PEBP4: variants seen among roughly 807,000 people sequenced by gnomAD.
PEBP4 encodes the protein phosphatidylethanolamine-binding protein 4.
In PEBP4, 22 loss-of-function variants were observed where a neutral mutation model predicts 23.9. The ratio of observed to expected loss-of-function variants is 0.92; its 90% CI spans 0.66 to 1.31. The LOEUF (loss-of-function observed/expected upper bound fraction) is 1.31. Among genes scored for constraint, PEBP4 ranks in the 40% most tolerant of loss-of-function variants. PEBP4 has a pLI of 0.00. For synonymous variants in PEBP4, 112 were observed against 99.3 expected (o/e 1.13, Z -0.76); for missense variants, 324 against 281.7 (o/e 1.15, Z -1.07).
chr8:22,759,991 A>G (rs1400085797), intron 4 of PEBP4, among the ~76,000 whole-genome samples: 2 of 152,118 alleles, frequency 1.3e-5, no homozygotes, highest in African/African-American at 4.8e-5. Flanking sequence ...CACAGCTCAG[A>G]TGTCACCTCC....
chr8:22,713,493 G>A lies in PEBP4; in HGVS notation c.561C>T (p.Gly187=), dbSNP rs556655325. The change falls in exon 7 of 7, where the codon GGC becomes GGT. Residue 187 remains glycine, a synonymous_variant. Transcript: ENST00000256404. ...TGAACTGGGTGCTTGCTTCAGGTTC[G>A]CCCAGGTGGAAACGGTTCAGAAATC... ...MDRFLNRFHL[G]EPEASTQFMT... is the part of the protein sequence containing the mutation. 3.1e-5 allele frequency: 50 copies of A among 1,614,142 alleles called. No homozygotes were observed. Among genetic ancestry groups the A allele is most frequent in the South Asian group, 2.5e-4 (23 of 91,074 alleles).
intron 4 of PEBP4, chr8:22,744,832 C>T (rs1220087418): frequency 6.6e-6 from 1 of 152,158 alleles, no homozygotes; most frequent in Non-Finnish European, 1.5e-5. Flanking sequence ...GGGTTTCAGG[C>T]CCTTGTGCAC....
chr8:22,816,013 C>T (rs1039751611), intron 4 of PEBP4, among the ~76,000 whole-genome samples: 2 of 152,208 alleles, frequency 1.3e-5, no homozygotes, highest in Non-Finnish European at 2.9e-5. Flanking sequence ...GTGAATGTGA[C>T]CTTCAGGGCA....
chr8:22,898,324 A>C (rs1246009732), intron 3 of PEBP4, among the ~76,000 whole-genome samples: 1 of 142,034 alleles, frequency 7.0e-6, no homozygotes, highest in Admixed American at 7.5e-5. Context: ...CCTGGAAGGC[A>C]GAGGTTGCAG....
intron 6 of PEBP4, among the ~76,000 whole-genome samples, chr8:22,715,427 T>TGTGTGC (rs1184664802): frequency 6.6e-6 from 1 of 152,214 alleles, no homozygotes; most frequent in East Asian, 1.9e-4. Context: ...CACGTGTGTG[T>TGTGTGC]GCGCACGCGC....
intron 3 of PEBP4, among the ~76,000 whole-genome samples, chr8:22,907,229 C>G (rs915861780): frequency 2.0e-5 from 3 of 152,160 alleles, no homozygotes; most frequent in Non-Finnish European, 2.9e-5. Context: ...CAGGCCAAGG[C>G]GAGCAGATCA....
intron 3 of PEBP4, among the ~76,000 whole-genome samples, chr8:22,864,695 G>A (rs1807849106): frequency 6.6e-6 from 1 of 152,166 alleles, no homozygotes; most frequent in Non-Finnish European, 1.5e-5. Flanking sequence ...CAGCTTGTTA[G>A]GACTAAAAAT....
At chr8:22,767,651 G>A (rs1291218543) in intron 4 of PEBP4, among the ~76,000 whole-genome samples, 1 of 152,108 alleles carries the variant, frequency 6.6e-6, no homozygotes, top group Admixed American at 6.5e-5. Flanking sequence ...CTCTTGGGGT[G>A]TTGGAAATAT....
In PEBP4 at chr8:22,866,038, C is replaced by T. The variant is rs78331891; in HGVS notation, c.259-48303G>A. ...CAAACCCAGGGCGTCATCGGCTCCA[C>T]GCCTGTCCCCTTTCAGAGCCAGAGA... On this transcript the variant is annotated intron_variant, in intron 3 of 6. Transcript: ENST00000256404. Among the ~76,000 whole-genome samples the T allele has an allele frequency of 2.8e-3, 425 of 152,352 alleles. 1 individual carries two copies. Among genetic ancestry groups the T allele is most frequent in the African/African-American group, 9.4e-3 (390 of 41,588 alleles).
At chr8:22,835,855 A>G (rs909259002) in intron 3 of PEBP4, among the ~76,000 whole-genome samples, 67 of 152,360 alleles carry the variant, frequency 4.4e-4, no homozygotes, top group African/African-American at 1.4e-3. Context: ...ACGGCTTTCA[A>G]TGACCGGCTC....
chr8:22,802,094 C>A (rs1160399400), intron 4 of PEBP4, among the ~76,000 whole-genome samples: 3 of 152,220 alleles, frequency 2.0e-5, no homozygotes, highest in African/African-American at 7.2e-5. Flanking sequence ...CCCAGCATCT[C>A]CAGATTCTTC....
intron 2 of PEBP4, among the ~76,000 whole-genome samples, chr8:22,922,893 A>T (rs1300665501): frequency 6.6e-6 from 1 of 152,230 alleles, no homozygotes; most frequent in East Asian, 1.9e-4. Flanking sequence ...CAGTGGAGTG[A>T]AAAGATCAGG....
intron 3 of PEBP4, among the ~76,000 whole-genome samples, chr8:22,906,407 T>C (rs17088745): frequency 0.045 from 6,925 of 152,288 alleles, 174 homozygotes; most frequent in African/African-American, 0.069. Context: ...ATCTACTATC[T>C]GCATAGCCAT....
intron 6 of PEBP4, among the ~76,000 whole-genome samples, chr8:22,718,799 G>A (rs201056569): frequency 2.6e-4 from 40 of 151,000 alleles, no homozygotes; most frequent in African/African-American, 4.2e-4. Context: ...GTCTGAGGGC[G>A]GGGGCTGGTC....
At chr8:22,752,316 G>A (rs1261424572) in intron 4 of PEBP4, among the ~76,000 whole-genome samples, 1 of 152,126 alleles carries the variant, frequency 6.6e-6, no homozygotes, top group Admixed American at 6.5e-5. Flanking sequence ...GGCCAGATTT[G>A]TAAAATGGAT....
At chr8:22,738,002 G>T (rs1038242506) in intron 4 of PEBP4, among the ~76,000 whole-genome samples, 2 of 152,160 alleles carry the variant, frequency 1.3e-5, no homozygotes, top group African/African-American at 4.8e-5. Flanking sequence ...CACCCTTGGA[G>T]CCCCGGGAGC....
chr8:22,721,841 G>A (rs980916234), intron 6 of PEBP4, among the ~76,000 whole-genome samples: 19 of 152,036 alleles, frequency 1.2e-4, no homozygotes, highest in African/African-American at 4.6e-4. Flanking sequence ...TCCAGCCCTG[G>A]GCTCCGTAAG....
intron 6 of PEBP4, among the ~76,000 whole-genome samples, chr8:22,717,278 C>T (rs1364711895): frequency 6.6e-6 from 1 of 152,220 alleles, no homozygotes; most frequent in East Asian, 1.9e-4. Flanking sequence ...CCCAAGTGAT[C>T]CTCCTGCCTG....
chr8:22,727,615 G>T (rs575131852), intron 4 of PEBP4, among the ~76,000 whole-genome samples: 15 of 152,130 alleles, frequency 9.9e-5, no homozygotes, highest in Non-Finnish European at 4.4e-5. Context: ...TAAGGGAGGC[G>T]CTTAGGTCTG....
Sources: allele counts gnomAD v4.1 joint callset (sites outside exome capture counted in the v4.1 genomes callset), GRCh38; gene constraint gnomAD v4.1.1; transcripts MANE v1.5; gene names NCBI Gene and HGNC (gene_info 2026-07-23, HGNC 2026-07-21).